EXOC4: variants seen among roughly 807,000 people sequenced by gnomAD.
EXOC4 encodes the protein SEC8-like 1.
In EXOC4, 71 loss-of-function variants were observed where a neutral mutation model predicts 107.2. That is an observed-to-expected ratio of 0.66 (90% CI 0.55 to 0.81). The LOEUF is 0.81. Among genes scored for constraint, EXOC4 ranks in the 30% least tolerant of loss-of-function variants. The probability of loss-of-function intolerance (pLI) is 0.00; values close to 1 mark genes in which losing one functional copy is unlikely to be tolerated. For missense variants in EXOC4, 1,108 were observed against 1,189.6 expected, an observed-to-expected ratio of 0.93 and a Z score of 1.01; for synonymous variants, 456 against 441.2, an observed-to-expected ratio of 1.03 and a Z score of -0.42.
intron 9 of EXOC4, among the ~76,000 whole-genome samples, chr7:133,617,047 A>T (rs573607728): frequency 6.6e-6 from 1 of 152,308 alleles, no homozygotes; most frequent in Admixed American, 6.5e-5. Flanking sequence ...TCAAAGTTAG[A>T]CAGAGAACTT....
chr7:133,376,336 A>C (rs931261892), intron 7 of EXOC4, among the ~76,000 whole-genome samples: 6 of 152,180 alleles, frequency 3.9e-5, no homozygotes, highest in South Asian at 2.1e-4. Flanking sequence ...TGGTTATTTA[A>C]CATTTTGCAT....
At chr7:133,836,987 A>T (rs1246385445) in intron 11 of EXOC4, among the ~76,000 whole-genome samples, 1 of 152,060 alleles carries the variant, frequency 6.6e-6, no homozygotes, top group African/African-American at 2.4e-5. Flanking sequence ...CTAGCCTCTA[A>T]TTTTTTTGCC....
intron 17 of EXOC4, among the ~76,000 whole-genome samples, chr7:134,024,568 A>ATATATTATTTCTTTT (rs1795096122): frequency 6.6e-6 from 1 of 152,184 alleles, no homozygotes; most frequent in Non-Finnish European, 1.5e-5. Flanking sequence ...TTTAAAAGAA[A>ATATATTATTTCTTTT]AAGTAGTGAT....
chr7:133,756,630 A>G (rs903607178), intron 10 of EXOC4, among the ~76,000 whole-genome samples: 4 of 152,358 alleles, frequency 2.6e-5, no homozygotes, highest in African/African-American at 2.4e-5. Context: ...GTTTCATGCA[A>G]TACCATCTGG....
At chr7:133,791,801 T>C (rs1213042271) in intron 10 of EXOC4, among the ~76,000 whole-genome samples, 2 of 152,190 alleles carry the variant, frequency 1.3e-5, no homozygotes, top group African/African-American at 2.4e-5. Flanking sequence ...TTATTGAAAA[T>C]AGATCAGGTT....
chr7:133,315,786 C>A (rs142824657), intron 4 of EXOC4, among the ~76,000 whole-genome samples: 191 of 152,226 alleles, frequency 1.3e-3, no homozygotes, highest in African/African-American at 4.5e-3. Context: ...TCTTATACTC[C>A]ACTTTTCACA....
At chr7:133,740,657 C>A (rs1430155400) in intron 10 of EXOC4, among the ~76,000 whole-genome samples, 3 of 152,152 alleles carry the variant, frequency 2.0e-5, no homozygotes, top group Non-Finnish European at 4.4e-5. Context: ...ATTATTTGTC[C>A]TTCTAATTAA....
intron 11 of EXOC4, among the ~76,000 whole-genome samples, chr7:133,824,646 A>G (rs892912165): frequency 1.3e-5 from 2 of 152,170 alleles, no homozygotes; most frequent in African/African-American, 2.4e-5. Context: ...GTACTCTTGC[A>G]TAGTTTTGGA....
intron 14 of EXOC4, among the ~76,000 whole-genome samples, chr7:133,960,349 T>C (rs1040340029): frequency 6.6e-6 from 1 of 152,182 alleles, no homozygotes; most frequent in East Asian, 1.9e-4. Flanking sequence ...GGTATTAGGG[T>C]GATAGATACT....
intron 7 of EXOC4, among the ~76,000 whole-genome samples, chr7:133,416,763 A>G (rs1364109201): frequency 1.1e-4 from 16 of 152,178 alleles, no homozygotes; most frequent in Non-Finnish European, 2.4e-4. Context: ...GGGCAACAGT[A>G]CATTTTTTAA....
intron 17 of EXOC4, among the ~76,000 whole-genome samples, chr7:134,019,082 A>G (rs1487790061): frequency 6.6e-6 from 1 of 152,124 alleles, no homozygotes; most frequent in Non-Finnish European, 1.5e-5. Context: ...GGCACGCGCC[A>G]CTACACCCGG....
intron 3 of EXOC4, among the ~76,000 whole-genome samples, chr7:133,294,515 C>T (rs1277949383): frequency 2.0e-5 from 3 of 152,036 alleles, no homozygotes; most frequent in Non-Finnish European, 4.4e-5. Flanking sequence ...TTGAATGTCT[C>T]TTAATCATTT....
chr7:133,672,461 C>T (rs565479444), intron 10 of EXOC4, among the ~76,000 whole-genome samples: 25 of 150,562 alleles, frequency 1.7e-4, no homozygotes, highest in African/African-American at 4.6e-4. Flanking sequence ...TCTTAATTAA[C>T]GTTTAAATAG....
intron 11 of EXOC4, among the ~76,000 whole-genome samples, chr7:133,822,537 T>C (rs557670676): frequency 1.3e-5 from 2 of 152,356 alleles, no homozygotes; most frequent in Non-Finnish European, 2.9e-5. Context: ...TAGAGAGTGT[T>C]CTGTGGCCAA....
intron 5 of EXOC4, among the ~76,000 whole-genome samples, chr7:133,324,888 G>T (rs1355944468): frequency 2.0e-5 from 3 of 152,154 alleles, no homozygotes; most frequent in East Asian, 1.9e-4. Context: ...ATGAATCTGG[G>T]TGCTCCTGTA....
At chr7:133,950,665 T>G (rs895773830) in intron 14 of EXOC4, among the ~76,000 whole-genome samples, 1 of 152,228 alleles carries the variant, frequency 6.6e-6, no homozygotes, top group Non-Finnish European at 1.5e-5. Context: ...AAAGATTGTG[T>G]TAGAAAATCT....
chr7:133,518,549 C>T (rs1337607192), intron 9 of EXOC4, among the ~76,000 whole-genome samples: 2 of 151,978 alleles, frequency 1.3e-5, no homozygotes, highest in African/African-American at 4.8e-5. Context: ...TACCCATGTT[C>T]ATAGCAGCAT....
chr7:133,958,324 T>C (rs909493591), intron 14 of EXOC4, among the ~76,000 whole-genome samples: 5 of 152,124 alleles, frequency 3.3e-5, no homozygotes, highest in East Asian at 1.9e-4. Context: ...TAATGTCTTA[T>C]AGTACTGGGA....
intron 10 of EXOC4, among the ~76,000 whole-genome samples, chr7:133,737,022 A>G (rs1176375153): frequency 2.0e-5 from 3 of 152,156 alleles, no homozygotes; most frequent in Non-Finnish European, 4.4e-5. Context: ...TCTTTTTGTC[A>G]CTAACAGTTA....
Sources: allele counts gnomAD v4.1 joint callset (sites outside exome capture counted in the v4.1 genomes callset), GRCh38; gene constraint gnomAD v4.1.1; transcripts MANE v1.5; gene names NCBI Gene and HGNC (gene_info 2026-07-23, HGNC 2026-07-21).